Variants in APP observed in about 807,000 individuals in gnomAD.
APP encodes amyloid beta precursor protein.
A neutral mutation model predicts 101.4 loss-of-function variants in APP; 31 were observed. The observed-to-expected ratio is 0.31, with a 90% CI of 0.23 to 0.41. The LOEUF (loss-of-function observed/expected upper bound fraction) is 0.41. Among genes scored for constraint, APP ranks in the 10% least tolerant of loss-of-function variants. The pLI, the probability that APP is intolerant of heterozygous loss-of-function variation, is 1.00. For missense variants in APP, 839 were observed against 1,003.7 expected, an observed-to-expected ratio of 0.84 and a Z score of 2.22; for synonymous variants, 366 against 364.4, an observed-to-expected ratio of 1.00 and a Z score of -0.05.
chr21:26,065,345 C>A (rs756999824), intron 3 of APP, among the ~76,000 whole-genome samples: 1 of 152,066 alleles, frequency 6.6e-6, no homozygotes, highest in African/African-American at 2.4e-5. Context: ...TTGAAAAGAA[C>A]TAGAATTAAA....
chr21:26,040,043 T>C (rs533644565), intron 5 of APP, among the ~76,000 whole-genome samples: 1 of 152,288 alleles, frequency 6.6e-6, no homozygotes, highest in East Asian at 1.9e-4. Context: ...ATGTTGGAGA[T>C]GGGACCCAAG....
chr21:25,958,362 C>T (rs781514982), intron 11 of APP, among the ~76,000 whole-genome samples: 85 of 152,146 alleles, frequency 5.6e-4, no homozygotes, highest in Non-Finnish European at 1.0e-3. Context: ...CTGCAACCTC[C>T]GCCTCCTGGG....
chr21:26,108,683 C>G (rs3787649), intron 2 of APP, among the ~76,000 whole-genome samples: 1 of 152,056 alleles, frequency 6.6e-6, no homozygotes, highest in African/African-American at 2.4e-5. Context: ...GTCAGGAGTT[C>G]GAGACCAGCC....
At chr21:25,931,192 G>C (rs921458593) in intron 13 of APP, among the ~76,000 whole-genome samples, 1 of 152,184 alleles carries the variant, frequency 6.6e-6, no homozygotes, top group East Asian at 1.9e-4. Context: ...GATACCGACA[G>C]AATGACAAAG....
chr21:25,947,691 T>C (rs1381750269), intron 13 of APP, among the ~76,000 whole-genome samples: 1 of 152,056 alleles, frequency 6.6e-6, no homozygotes, highest in East Asian at 1.9e-4. Flanking sequence ...AACAAGGCTT[T>C]GGTTGTTGAT....
At position 26,140,412 on chromosome 21, in the gene APP, T is replaced by C. The variant is rs371677216; in HGVS notation, c.58-28266A>G. The stretch of plus-strand genomic sequence containing the variant: ...ATTTAGGCGTGGATCACACGCACAC[T>C]GCGCCAACTTCTAAGCTAACAATGG... On this transcript the variant is annotated intron_variant, in intron 1 of 17. Coordinates refer to ENST00000346798, the MANE Select transcript of APP (RefSeq NM_000484.4). The C allele has an allele frequency of 3.4e-5, 47 of 1,368,554 alleles. 1 individual carries two copies. In the South Asian group the frequency reaches 5.7e-4, roughly 17 times the overall value. 84.8% of individuals were successfully genotyped at this position (1,368,554 alleles called of 1,614,324 possible). A position where few individuals can be genotyped will look rare whatever the true frequency, so the allele number is the denominator to read the frequency against.
chr21:25,888,488 G>C (rs1319799714), intron 17 of APP, among the ~76,000 whole-genome samples: 2 of 152,308 alleles, frequency 1.3e-5, no homozygotes, highest in South Asian at 2.1e-4. Flanking sequence ...GCTGCACAGA[G>C]GGCTGCTTTC....
chr21:25,892,778 G>C (rs923019566), intron 16 of APP, among the ~76,000 whole-genome samples: 1 of 152,068 alleles, frequency 6.6e-6, no homozygotes, highest in Non-Finnish European at 1.5e-5. Context: ...TTATCTACTT[G>C]AATGAAATTA....
chr21:26,058,266 G>A (rs1003519471), intron 3 of APP, among the ~76,000 whole-genome samples: 5 of 152,140 alleles, frequency 3.3e-5, no homozygotes, highest in African/African-American at 1.2e-4. Flanking sequence ...AAGCTTTGCT[G>A]TTACTTGGGA....
At position 26,022,049 on chromosome 21, in the gene APP, A is replaced by G. The variant is rs183084252; in HGVS notation, c.663-7T>C. 762 of 1,613,554 alleles carry G rather than the reference A, an allele frequency of 4.7e-4. 6 individuals are homozygous for G. Among genetic ancestry groups the G allele is most frequent in the Middle Eastern group, 1.6e-4 (1 of 6,062 alleles). On this transcript the variant is annotated splice_region_variant and splice_polypyrimidine_tract_variant and intron_variant, in intron 5 of 17. Coordinates refer to ENST00000346798, the MANE Select transcript of APP (RefSeq NM_000484.4). ...TTCTACTACTTTGTCTTCACTGTGA[A>G]GGCAAACACAAATAACAGAAAAAGT...
At chr21:26,086,482 C>A (rs1468384667) in intron 3 of APP, among the ~76,000 whole-genome samples, 1 of 151,976 alleles carries the variant, frequency 6.6e-6, no homozygotes, top group East Asian at 1.9e-4. Flanking sequence ...ACATAACAAG[C>A]ATTTTTCTCT....
chr21:25,884,809 G>A (rs930033896), intron 17 of APP, among the ~76,000 whole-genome samples: 1 of 152,184 alleles, frequency 6.6e-6, no homozygotes, highest in Non-Finnish European at 1.5e-5. Flanking sequence ...TTTCTTCCAG[G>A]AGGCACATCT....
At chr21:26,059,221 A>C (rs999811500) in intron 3 of APP, among the ~76,000 whole-genome samples, 1 of 152,226 alleles carries the variant, frequency 6.6e-6, no homozygotes, top group Non-Finnish European at 1.5e-5. Context: ...GATTATTTGA[A>C]TATCAGATTA....
At chr21:26,136,207 A>AAAGAAAGAAAGAAAGAAAGAAAGG in intron 1 of APP, among the ~76,000 whole-genome samples, 1 of 137,528 alleles carries the variant, frequency 7.3e-6, no homozygotes, top group South Asian at 2.3e-4. Context: ...GAAAGAAAAG[A>AAAGAAAGAAAGAAAGAAAGAAAGG]AAAGAAAGAA....
chr21:26,116,095 T>A (rs981751573), intron 1 of APP, among the ~76,000 whole-genome samples: 3 of 152,196 alleles, frequency 2.0e-5, no homozygotes, highest in Non-Finnish European at 2.9e-5. Context: ...AAACTGGAGA[T>A]GCTTTCCCAT....
At chr21:25,883,823 C>T in intron 17 of APP, among the ~76,000 whole-genome samples, 1 of 152,242 alleles carries the variant, frequency 6.6e-6, no homozygotes, top group East Asian at 1.9e-4. Flanking sequence ...CTACCAGTGG[C>T]TAATCCCAAG....
chr21:26,139,836 G>C (rs972314655), intron 1 of APP, among the ~76,000 whole-genome samples: 1 of 151,992 alleles, frequency 6.6e-6, no homozygotes. Flanking sequence ...GCCAATATCG[G>C]GCCACTGCAC....
At chr21:26,072,848 T>A (rs1368350027) in intron 3 of APP, among the ~76,000 whole-genome samples, 1 of 152,200 alleles carries the variant, frequency 6.6e-6, no homozygotes, top group African/African-American at 2.4e-5. Flanking sequence ...CAGATTTTTA[T>A]CCCAAATGGT....
At chr21:25,925,341 G>C (rs878986666) in intron 13 of APP, among the ~76,000 whole-genome samples, 3 of 152,124 alleles carry the variant, frequency 2.0e-5, no homozygotes, top group Admixed American at 2.0e-4. Flanking sequence ...CCCAAGGCTC[G>C]GGTTCGTCAT....
Sources: allele counts gnomAD v4.1 joint callset (sites outside exome capture counted in the v4.1 genomes callset), GRCh38; gene constraint gnomAD v4.1.1; transcripts MANE v1.5; gene names NCBI Gene and HGNC (gene_info 2026-07-23, HGNC 2026-07-21).